ITGA3: variants seen among roughly 807,000 people sequenced by gnomAD.
ITGA3 encodes integrin subunit alpha 3, also known as integrin alpha-3.
A neutral mutation model predicts 131.1 loss-of-function variants in ITGA3; 70 were observed. That is an observed-to-expected ratio of 0.53 (90% CI 0.44 to 0.65). ITGA3 has a LOEUF of 0.65. Ranked by LOEUF, ITGA3 falls within the 30% of genes least tolerant of loss-of-function variation. The probability of loss-of-function intolerance (pLI) is 0.00; values close to 1 mark genes in which losing one functional copy is unlikely to be tolerated. For missense variants in ITGA3, 1,098 were observed against 1,388.6 expected (o/e 0.79, Z 3.33); for synonymous variants, 537 against 571.6 (o/e 0.94, Z 0.86).
chr17:50,076,775 G>T (rs1256170805), intron 14 of ITGA3, 94 bp downstream of exon 14: 8 of 1,288,998 alleles, frequency 6.2e-6, no homozygotes, highest in Non-Finnish European at 7.8e-6. Context: ...GGCAAGGCGA[G>T]CCCAGGGACA....
At chr17:50,071,282 C>A in intron 5 of ITGA3, 29 bp from the exon 6 acceptor site, 1 of 1,601,612 alleles carries the variant, frequency 6.2e-7, no homozygotes, top group Non-Finnish European at 8.5e-7. Flanking sequence ...TGACTGGGAC[C>A]TTGGTTGAAC....
intron 9 of ITGA3, 74 bp from the exon 10 acceptor site, chr17:50,074,374 G>T: frequency 6.3e-7 from 1 of 1,599,384 alleles, no homozygotes; most frequent in South Asian, 1.1e-5. Context: ...TAGCTCCTTG[G>T]AAGCCTGGGC....
intron 23 of ITGA3, chr17:50,087,109 C>G (rs1395290229): frequency 6.6e-6 from 1 of 152,016 alleles, no homozygotes; most frequent in East Asian, 1.9e-4. Flanking sequence ...GCTATGAATT[C>G]TTTGTGGGGT....
chr17:50,088,160 G>A (rs1351252900), intron 24 of ITGA3, 65 bp from the exon 25 acceptor site: 3 of 1,509,468 alleles, frequency 2.0e-6, no homozygotes, highest in Non-Finnish European at 1.8e-6. Flanking sequence ...TGGTCCACGA[G>A]TGCTGCTGGT....
intron 12 of ITGA3, 41 bp from the exon 13 acceptor site, chr17:50,076,285 G>A (rs768334293): frequency 3.1e-6 from 5 of 1,593,642 alleles, no homozygotes; most frequent in Non-Finnish European, 4.3e-6. Flanking sequence ...CTGGGGCAGG[G>A]AGCAGTGCAG....
intron 1 of ITGA3, among the ~76,000 whole-genome samples, chr17:50,060,310 T>A (rs190534138): frequency 2.8e-4 from 42 of 152,328 alleles, no homozygotes; most frequent in African/African-American, 9.9e-4. Context: ...GGTGACAGAA[T>A]CTGGGAAGGT....
At position 50,080,463 on chromosome 17, in the gene ITGA3, GGT is replaced by G. The variant is rs113441627; in HGVS notation, c.2820+130_2820+131del. The G allele has an allele frequency of 0.11, 53,103 of 497,760 alleles. 1,160 individuals carry two copies. Among genetic ancestry groups the G allele is most frequent in the African/African-American group, 0.17 (6,976 of 40,656 alleles). The allele number at this position is 497,760 out of a possible 1,614,324, so 30.8% of individuals were successfully genotyped here. On this transcript the variant is annotated intron_variant, in intron 22 of 25. Transcript: ENST00000320031. The stretch of plus-strand genomic sequence containing the variant: ...AGGGCGAGTCCAGGGTCATAGCATG[GGT>G]GTGTGTGTGTGTGTGTGTGTGTGTG...
chr17:50,081,507 C>A, intron 23 of ITGA3, 99 bp downstream of exon 23: 2 of 900,250 alleles, frequency 2.2e-6, no homozygotes. Context: ...CCATATGGTT[C>A]TCAATCTTGG....
chr17:50,088,065 AG>A, intron 24 of ITGA3, 159 bp from the exon 25 acceptor site: 1 of 1,227,584 alleles, frequency 8.1e-7, no homozygotes, highest in Non-Finnish European at 1.1e-6. Context: ...CAAGCTGGAA[AG>A]GGGGACCCAG....
Position 50,079,070 on chromosome 17 carries a change from C to T in ITGA3, c.2401-6C>T, listed in dbSNP as rs770248358. ...ATAATGACTATGACACATCTTGTGCCCACAGGTGGGCCCAATGGGGGAGGG... is the reference window on the plus strand; with the variant it reads ...ATAATGACTATGACACATCTTGTGCTCACAGGTGGGCCCAATGGGGGAGGG... On this transcript the variant is annotated splice_region_variant and splice_polypyrimidine_tract_variant and intron_variant, in intron 19 of 25. Coordinates refer to ENST00000320031, the MANE Select transcript of ITGA3 (RefSeq NM_002204.4). 3 of 1,612,982 alleles carry T rather than the reference C, an allele frequency of 1.9e-6. No individual in the cohort carries two copies. Among genetic ancestry groups the T allele is most frequent in the Admixed American group, 3.3e-5 (2 of 59,976 alleles).
rs1908658148 is a variant in ITGA3, at chr17:50,072,099, C to T, written c.1073C>T (p.Ser358Leu). The T allele has an allele frequency of 1.2e-6, 2 of 1,613,982 alleles. No homozygotes were observed. The highest frequency in any genetic ancestry group is 1.3e-5 in the African/African-American group (1 of 74,908). ...GGAACCTCCTTCCCTGCTCACCCCT[C>T]ACTCCTTCTTCATGGCCCCAGTGGC... ...QAGTSFPAHP[S>L]LLLHGPSGSA... The change falls in exon 7 of 26, where the codon TCA becomes TTA. Residue 358 changes from serine to leucine, a missense_variant. Physicochemically the swap from Ser to Leu is moderately radical, Grantham distance 145. Coordinates refer to ENST00000320031, the MANE Select transcript of ITGA3 (RefSeq NM_002204.4).
In ITGA3 at chr17:50,075,474, G is replaced by A; in HGVS notation, c.1485G>A (p.Leu495=). ...CTATSCVQVE[L]CFAYNQSAGN... is the part of the protein sequence containing the mutation. ...CCTCCAACAGTGTGCAAGTGGAGCT[G>A]TGCTTTGCTTACAACCAGAGTGCCG... is the stretch of plus-strand genomic sequence containing the variant. Residue 495 remains leucine, a synonymous_variant, in exon 11 of 26, where the codon CTG becomes CTA. Transcript: ENST00000320031. 3 of 1,614,222 alleles carry A rather than the reference G, an allele frequency of 1.9e-6. No individual in the cohort carries two copies. The highest frequency in any genetic ancestry group is 2.5e-6 in the Non-Finnish European group (3 of 1,180,040).
intron 12 of ITGA3, among the ~76,000 whole-genome samples, chr17:50,075,982 A>G (rs1365192710): frequency 1.3e-5 from 2 of 151,960 alleles, no homozygotes; most frequent in Non-Finnish European, 2.9e-5. Flanking sequence ...GGAGTGTGGG[A>G]GCTCTTGGCT....
In ITGA3 at chr17:50,088,244, C is replaced by CCCGCACT; in HGVS notation, c.3067_3073dup (p.Arg1025ProfsTer7). ...CCGCAGTGCGGCTTCTTCAAGCGAG[C>CCCGCACT]CCGCACTCGCGCCCTGTATGAAGCT... On this transcript the variant is annotated frameshift_variant, in exon 25 of 26. Coordinates refer to ENST00000320031, the MANE Select transcript of ITGA3 (RefSeq NM_002204.4). LOFTEE classifies it high-confidence loss of function. 6.4e-7 allele frequency: 1 copy of CCCGCACT among 1,570,738 alleles called. No homozygotes were observed. The highest frequency in any genetic ancestry group is 8.6e-7 in the Non-Finnish European group (1 of 1,157,864).
Position 50,079,319 on chromosome 17 carries a change from C to T in ITGA3, c.2583+61C>T, listed in dbSNP as rs1909074098. 1.9e-6 allele frequency: 3 copies of T among 1,542,530 alleles called. No homozygotes were observed. In the South Asian group the frequency reaches 3.5e-5, roughly 18 times the overall value. The stretch of plus-strand genomic sequence containing the variant: ...TACAGGGCAGAAAGGCCAGTGTCTT[C>T]CCCTCCCTCCCCTCATACCCCTTTG... On this transcript the variant is annotated intron_variant, in intron 20 of 25. Transcript: ENST00000320031.
intron 1 of ITGA3, among the ~76,000 whole-genome samples, chr17:50,063,182 G>C (rs995690164): frequency 1.3e-4 from 20 of 150,572 alleles, no homozygotes; most frequent in African/African-American, 5.0e-4. Context: ...GGAACTTGCT[G>C]TCTGCATCCC....
chr17:50,073,406 T>C (rs1275119995), intron 7 of ITGA3, among the ~76,000 whole-genome samples: 4 of 152,140 alleles, frequency 2.6e-5, no homozygotes, highest in African/African-American at 9.6e-5. Context: ...GGGGGGATAA[T>C]AGTACCCACC....
rs370414445 is a variant in ITGA3, at chr17:50,070,839, T to C, written c.665-5T>C. The C allele has an allele frequency of 1.2e-6, 2 of 1,603,622 alleles. No individual in the cohort carries two copies. The highest frequency in any genetic ancestry group is 1.7e-6 in the Non-Finnish European group (2 of 1,170,728). On this transcript the variant is annotated splice_polypyrimidine_tract_variant and splice_region_variant and intron_variant, in intron 4 of 25. Coordinates refer to ENST00000320031, the MANE Select transcript of ITGA3 (RefSeq NM_002204.4). ...CCTACTCTCCCTCCCTCAATCCCTG[T>C]GAAGGAAACAGCTACATGATTCAGC...
At chr17:50,081,717 T>G (rs903072227) in intron 23 of ITGA3, among the ~76,000 whole-genome samples, 2 of 152,214 alleles carry the variant, frequency 1.3e-5, no homozygotes, top group African/African-American at 4.8e-5. Context: ...GGGCTGGGAC[T>G]GCCTCTCTAT....
Sources: gnomAD v4.1 joint callset for allele counts (sites outside exome capture counted in the v4.1 genomes callset) on GRCh38, gnomAD v4.1.1 for gene constraint, MANE v1.5 for transcripts, NCBI Gene and HGNC (gene_info 2026-07-23, HGNC 2026-07-21) for gene names.